LAMC1: variants seen among roughly 807,000 people sequenced by gnomAD.
The protein encoded by LAMC1 is laminin subunit gamma-1.
In LAMC1, 38 loss-of-function variants were observed where a neutral mutation model predicts 173.6. That is an observed-to-expected ratio of 0.22 (90% confidence interval 0.17 to 0.29). LAMC1 has a LOEUF of 0.29. LAMC1 is among the 10% of genes least tolerant of loss of function. LAMC1 has a pLI of 1.00. For synonymous variants in LAMC1, 746 were observed against 749.1 expected, an observed-to-expected ratio of 1.00 and a Z score of 0.07; for missense variants, 1,824 against 2,051.8, an observed-to-expected ratio of 0.89 and a Z score of 2.14.
intron 1 of LAMC1, among the ~76,000 whole-genome samples, chr1:183,069,748 T>C (rs1654961862): frequency 6.6e-6 from 1 of 152,212 alleles, no homozygotes; most frequent in African/African-American, 2.4e-5. Context: ...CGGCTGAGTC[T>C]GAGGGGAGAG....
intron 1 of LAMC1, among the ~76,000 whole-genome samples, chr1:183,100,828 C>T (rs1218731039): frequency 2.0e-5 from 3 of 152,150 alleles, no homozygotes; most frequent in African/African-American, 7.2e-5. Context: ...CACAGAGCTC[C>T]CTCATTTCCA....
At chr1:183,054,320 A>G (rs770346432) in intron 1 of LAMC1, among the ~76,000 whole-genome samples, 2 of 152,194 alleles carry the variant, frequency 1.3e-5, no homozygotes, top group African/African-American at 2.4e-5. Context: ...CCACACAGCT[A>G]TTTGTGAGGA....
At chr1:183,117,986 C>T (rs1430519106) in intron 10 of LAMC1, 48 bp from the exon 11 acceptor site, 4 of 1,101,180 alleles carry the variant, frequency 3.6e-6, no homozygotes, top group Non-Finnish European at 5.5e-6. Flanking sequence ...TCCCCAACAT[C>T]CAGAATTGTC....
At chr1:183,117,951 G>GCATAAAT in intron 10 of LAMC1, 83 bp from the exon 11 acceptor site, 1 of 853,578 alleles carries the variant, frequency 1.2e-6, no homozygotes, top group South Asian at 1.6e-5. Context: ...TTGCATTGTT[G>GCATAAAT]GGGCATAAAT....
At chr1:183,140,329 G>A (rs1259987780) in intron 26 of LAMC1, 75 bp from the exon 27 acceptor site, 2 of 692,360 alleles carry the variant, frequency 2.9e-6, no homozygotes, top group African/African-American at 1.9e-5. Flanking sequence ...TAGATTTGTT[G>A]GGTCATTGGG....
chr1:183,061,367 G>GT (rs5779152), intron 1 of LAMC1, among the ~76,000 whole-genome samples: 44 of 148,566 alleles, frequency 3.0e-4, no homozygotes, highest in Middle Eastern at 3.4e-3. Flanking sequence ...TTTGGTTGGT[G>GT]TTTTTTTTTT....
At chr1:183,080,455 G>T (rs1571427208) in intron 1 of LAMC1, among the ~76,000 whole-genome samples, 2 of 152,154 alleles carry the variant, frequency 1.3e-5, no homozygotes, top group South Asian at 4.1e-4. Context: ...GGGTGGGGCA[G>T]GGTGAGGTAG....
chr1:183,085,405 C>G (rs552236193), intron 1 of LAMC1, among the ~76,000 whole-genome samples: 1 of 152,144 alleles, frequency 6.6e-6, no homozygotes, highest in Non-Finnish European at 1.5e-5. Context: ...CTATATCACC[C>G]AGGCTGGAGT....
intron 1 of LAMC1, among the ~76,000 whole-genome samples, chr1:183,039,557 G>T (rs11586674): frequency 6.6e-6 from 1 of 152,202 alleles, no homozygotes; most frequent in Non-Finnish European, 1.5e-5. Flanking sequence ...GATTGCTTTA[G>T]AGGCTCTTGC....
chr1:183,052,148 C>G (rs1654443139), intron 1 of LAMC1, among the ~76,000 whole-genome samples: 1 of 152,154 alleles, frequency 6.6e-6, no homozygotes, highest in Non-Finnish European at 1.5e-5. Flanking sequence ...ACCATCACTT[C>G]TGCTTCCCCT....
chr1:183,032,123 T>A (rs1046114764), intron 1 of LAMC1, among the ~76,000 whole-genome samples: 7 of 152,214 alleles, frequency 4.6e-5, no homozygotes, highest in African/African-American at 1.7e-4. Context: ...GTGGCACTAA[T>A]TAAGTATGTC....
chr1:183,073,908 A>G (rs1655067660), intron 1 of LAMC1, among the ~76,000 whole-genome samples: 1 of 152,242 alleles, frequency 6.6e-6, no homozygotes, highest in South Asian at 2.1e-4. Flanking sequence ...ACTGGAAACA[A>G]CAAAAAAGTG....
chr1:183,128,152 G>A (rs906276244), intron 17 of LAMC1, among the ~76,000 whole-genome samples: 13 of 152,114 alleles, frequency 8.5e-5, no homozygotes, highest in African/African-American at 3.1e-4. Flanking sequence ...AGAGGTAAGA[G>A]GTATAATTTT....
intron 14 of LAMC1, 146 bp downstream of exon 14, chr1:183,125,022 C>T: frequency 9.2e-7 from 1 of 1,090,468 alleles, no homozygotes; most frequent in Non-Finnish European, 1.3e-6. Context: ...TTCTAGTCAC[C>T]ACATTAAAAA....
At position 183,140,245 on chromosome 1, in the gene LAMC1, CAAAAA is replaced by C. The variant is rs56152259; in HGVS notation, c.4474-143_4474-139del. On this transcript the variant is annotated intron_variant, in intron 26 of 27. Transcript: ENST00000258341. ...ATATGAAGATATGCAGCAGCCCCAC[CAAAAA>C]AAAAAAAAAAAAAAAGCAATGAGAG... Among the ~76,000 whole-genome samples the C allele has an allele frequency of 1.9e-4, 10 of 52,934 alleles. 1 individual carries two copies. Among genetic ancestry groups the C allele is most frequent in the East Asian group, 6.9e-4 (1 of 1,452 alleles). The allele number at this position is 52,934 out of a possible 152,430, so 34.7% of individuals were successfully genotyped here.
At chr1:183,061,353 A>AT (rs1428057670) in intron 1 of LAMC1, among the ~76,000 whole-genome samples, 2 of 139,406 alleles carry the variant, frequency 1.4e-5, no homozygotes, top group East Asian at 4.4e-4. Flanking sequence ...TTGTCTTTAG[A>AT]TTTTTTGGTT....
At chr1:183,029,239 C>G (rs1170211531) in intron 1 of LAMC1, among the ~76,000 whole-genome samples, 2 of 152,210 alleles carry the variant, frequency 1.3e-5, no homozygotes, top group Non-Finnish European at 2.9e-5. Flanking sequence ...TATCCAGACA[C>G]TATGTGTCTT....
intron 1 of LAMC1, among the ~76,000 whole-genome samples, chr1:183,031,468 C>T (rs1479052605): frequency 1.3e-5 from 2 of 152,102 alleles, no homozygotes; most frequent in Non-Finnish European, 2.9e-5. Flanking sequence ...CCACACCCAG[C>T]TAATTTTGTA....
Position 183,130,368 on chromosome 1 carries a change from G to T in LAMC1, c.3305G>T (p.Arg1102Leu), listed in dbSNP as rs146055865. The T allele has an allele frequency of 1.2e-6, 2 of 1,613,888 alleles. No homozygotes were observed. Among genetic ancestry groups the T allele is most frequent in the African/African-American group, 1.3e-5 (1 of 74,916 alleles). Residue 1102 changes from arginine to leucine, a missense_variant, in exon 19 of 28, where the codon CGC becomes CTC. Physicochemically the swap from Arg to Leu is moderately radical, Grantham distance 102. Transcript: ENST00000258341. ...GATGTTGACCAGAATTTGATGGATCGCCTACAGAGAGTGAATAACACTCTG... is the reference window on the plus strand; with the variant it reads ...GATGTTGACCAGAATTTGATGGATCTCCTACAGAGAGTGAATAACACTCTG... ...VKDVDQNLMD[R>L]LQRVNNTLSS...
Sources: allele counts gnomAD v4.1 joint callset (sites outside exome capture counted in the v4.1 genomes callset), GRCh38; gene constraint gnomAD v4.1.1; transcripts MANE v1.5; gene names NCBI Gene and HGNC (gene_info 2026-07-23, HGNC 2026-07-21).